Variants in RPS6KA6 observed in about 807,000 individuals in gnomAD.
The protein encoded by RPS6KA6 is ribosomal protein S6 kinase alpha-6.
Under a neutral mutation model 65.4 loss-of-function variants are expected in RPS6KA6, and 27 were observed. The ratio of observed to expected loss-of-function variants is 0.41; its 90% confidence interval spans 0.30 to 0.57. The LOEUF (loss-of-function observed/expected upper bound fraction) is 0.57, where lower values mean the gene tolerates loss of function less well. Ranked by LOEUF, RPS6KA6 falls within the 20% of genes least tolerant of loss-of-function variation. The probability of loss-of-function intolerance (pLI) is 0.24; values close to 1 mark genes in which losing one functional copy is unlikely to be tolerated. For synonymous variants in RPS6KA6, 190 were observed against 184.2 expected (o/e 1.03, Z -0.26); for missense variants, 486 against 555.6 (o/e 0.87, Z 1.26).
At chrX:84,114,882 G>T (rs1287776346) in intron 12 of RPS6KA6, among the ~76,000 whole-genome samples, 1 of 111,612 alleles carries the variant, frequency 9.0e-6, no homozygotes, top group Non-Finnish European at 1.9e-5. Context: ...TCAACACATG[G>T]TATTGGGAAA....
intron 20 of RPS6KA6, among the ~76,000 whole-genome samples, chrX:84,065,370 G>A (rs752865650): frequency 2.7e-5 from 3 of 111,488 alleles, no homozygotes; most frequent in South Asian, 7.5e-4. Flanking sequence ...GATTAGTGAC[G>A]GAGGAGGAAA....
At chrX:84,090,579 C>T (rs368384220) in intron 20 of RPS6KA6, among the ~76,000 whole-genome samples, 2 of 111,612 alleles carry the variant, frequency 1.8e-5, no homozygotes, top group Admixed American at 9.6e-5. Flanking sequence ...CTTACAATCA[C>T]GGTAGAAGGA....
chrX:84,113,419 A>G (rs1001401085), intron 12 of RPS6KA6, among the ~76,000 whole-genome samples: 1 of 112,029 alleles, frequency 8.9e-6, no homozygotes, highest in Non-Finnish European at 1.9e-5. Context: ...CCTCAACGAA[A>G]TACTAGCAAA....
intron 3 of RPS6KA6, among the ~76,000 whole-genome samples, chrX:84,151,379 G>C (rs1224159364): frequency 9.2e-6 from 1 of 109,151 alleles, no homozygotes; most frequent in Non-Finnish European, 1.9e-5. Flanking sequence ...GCTGCATCAA[G>C]AAAATGACGT....
intron 6 of RPS6KA6, among the ~76,000 whole-genome samples, chrX:84,142,185 G>T (rs916512490): frequency 1.8e-5 from 2 of 111,340 alleles, no homozygotes; most frequent in Non-Finnish European, 3.8e-5. Context: ...ATGACCACAA[G>T]AACATTACAG....
chrX:84,081,908 A>G (rs1214158458), intron 20 of RPS6KA6, among the ~76,000 whole-genome samples: 1 of 112,290 alleles, frequency 8.9e-6, no homozygotes, highest in Non-Finnish European at 1.9e-5. Context: ...GTTCATGCTA[A>G]AAACTCTCAA....
intron 20 of RPS6KA6, among the ~76,000 whole-genome samples, chrX:84,070,982 G>A (rs1238355312): frequency 1.8e-5 from 2 of 111,366 alleles, no homozygotes; most frequent in Non-Finnish European, 1.9e-5. Context: ...GGCAATAAAG[G>A]AAAGTGATTC....
In RPS6KA6 at chrX:84,106,994, T is replaced by C. The variant is rs776968183; in HGVS notation, c.1158A>G (p.Lys386=). The C allele has an allele frequency of 5.2e-5, 63 of 1,200,862 alleles. No homozygotes were observed. Among genetic ancestry groups the C allele is most frequent in the Admixed American group, 1.3e-4 (6 of 44,976 alleles). Residue 386 remains lysine, a synonymous_variant, in exon 14 of 22, where the codon AAA becomes AAG. Transcript: ENST00000262752. The part of the protein sequence containing the change: ...PASANAHQLF[K]GFSFVATSIA... ...TAGAAGTTGCAACAAAGCTGAATCCTTTGAAGAGCTGATGAGCATTTGCAC... is the reference window on the plus strand; with the variant it reads ...TAGAAGTTGCAACAAAGCTGAATCCCTTGAAGAGCTGATGAGCATTTGCAC...
intron 3 of RPS6KA6, among the ~76,000 whole-genome samples, chrX:84,154,923 T>TTCA (rs2035389822): frequency 8.9e-6 from 1 of 112,374 alleles, no homozygotes; most frequent in Non-Finnish European, 1.9e-5. Flanking sequence ...TACATTGTTG[T>TTCA]GAACACACTG....
intron 1 of RPS6KA6, among the ~76,000 whole-genome samples, chrX:84,171,843 C>G (rs1456081616): frequency 9.1e-6 from 1 of 110,445 alleles, no homozygotes; most frequent in Non-Finnish European, 1.9e-5. Context: ...TCCCGCCAAC[C>G]CCCGACATAC....
At chrX:84,162,637 T>C (rs1284512677) in intron 2 of RPS6KA6, among the ~76,000 whole-genome samples, 2 of 112,136 alleles carry the variant, frequency 1.8e-5, no homozygotes, top group Non-Finnish European at 3.8e-5. Context: ...CCTGTGTATG[T>C]GTCCTTGAGT....
chrX:84,068,989 C>T (rs779417646), intron 20 of RPS6KA6, among the ~76,000 whole-genome samples: 2 of 111,891 alleles, frequency 1.8e-5, no homozygotes, highest in East Asian at 5.7e-4. Context: ...CCATAGTGCC[C>T]AAAGTAATTT....
chrX:84,085,942 CTAGTTT>C (rs1428321913), intron 20 of RPS6KA6, among the ~76,000 whole-genome samples: 2 of 111,486 alleles, frequency 1.8e-5, no homozygotes, highest in African/African-American at 6.5e-5. Context: ...TCTAGATATT[CTAGTTT>C]ATGTGCATAG....
chrX:84,179,484 C>T (rs769032891), intron 1 of RPS6KA6, among the ~76,000 whole-genome samples: 45 of 111,714 alleles, frequency 4.0e-4, no homozygotes, highest in Non-Finnish European at 7.2e-4. Context: ...ATTCACATAA[C>T]AGACTAGTGC....
At chrX:84,120,808 G>A (rs995280263) in intron 8 of RPS6KA6, among the ~76,000 whole-genome samples, 1 of 111,562 alleles carries the variant, frequency 9.0e-6, no homozygotes, top group Non-Finnish European at 1.9e-5. Flanking sequence ...TCAATAAGCT[G>A]ATTCTACAAT....
rs144228278 is a variant in RPS6KA6, at chrX:84,092,326, T to C, written c.1971+3868A>G. ...TAACTAACCATCTGGAAAATGGAAATCAAAACTGCAGTGAGGGCTGGGCAC... is the reference window on the plus strand; with the variant it reads ...TAACTAACCATCTGGAAAATGGAAACCAAAACTGCAGTGAGGGCTGGGCAC... On this transcript the variant is annotated intron_variant, in intron 20 of 21. Transcript: ENST00000262752. 8.9e-3 allele frequency among the ~76,000 whole-genome samples: 983 copies of C among 110,663 alleles called. 16 individuals are homozygous for C. The highest frequency in any genetic ancestry group is 0.031 in the African/African-American group (948 of 30,386).
chrX:84,100,921 T>C lies in RPS6KA6; in HGVS notation c.1776+1116A>G, dbSNP rs779279974. Among the ~76,000 whole-genome samples, 4 of 111,112 alleles carry C rather than the reference T, an allele frequency of 3.6e-5. No homozygotes were observed. The East Asian group carries it at 1.1e-3, about 31-fold the overall frequency. Reference sequence around the variant, plus strand: ...ATATCAGTATAGTATTTTCTATATTTCTATTTTCATTATTAAAGTTATTTT... The same window carrying C: ...ATATCAGTATAGTATTTTCTATATTCCTATTTTCATTATTAAAGTTATTTT... On this transcript the variant is annotated intron_variant, in intron 18 of 21. Coordinates refer to ENST00000262752, the MANE Select transcript of RPS6KA6 (RefSeq NM_014496.5).
intron 12 of RPS6KA6, among the ~76,000 whole-genome samples, chrX:84,111,437 G>C (rs1037939386): frequency 1.3e-4 from 15 of 111,353 alleles, no homozygotes; most frequent in African/African-American, 3.9e-4. Flanking sequence ...AAAGAAGCTA[G>C]AGAAAAGCAT....
intron 6 of RPS6KA6, among the ~76,000 whole-genome samples, chrX:84,138,343 A>G (rs763147145): frequency 9.0e-6 from 1 of 110,819 alleles, no homozygotes; most frequent in South Asian, 3.9e-4. Flanking sequence ...ACTGGAGCCC[A>G]GGAGTTTGAG....
Sources: gnomAD v4.1 joint callset for allele counts (sites outside exome capture counted in the v4.1 genomes callset) on GRCh38, gnomAD v4.1.1 for gene constraint, MANE v1.5 for transcripts, NCBI Gene and HGNC (gene_info 2026-07-23, HGNC 2026-07-21) for gene names.